The following KAT6B variants were observed in gnomAD, a reference collection of about 807,000 sequenced individuals.
KAT6B encodes the protein histone acetyltransferase KAT6B.
Under a neutral mutation model 187.5 loss-of-function variants are expected in KAT6B, and 10 were observed. The observed-to-expected ratio is 0.05, with a 90% CI of 0.03 to 0.09. The LOEUF (loss-of-function observed/expected upper bound fraction) is 0.09, where lower values mean the gene tolerates loss of function less well. KAT6B is among the 10% of genes least tolerant of loss of function. The pLI, the probability that KAT6B is intolerant of heterozygous loss-of-function variation, is 1.00. For missense variants in KAT6B, 1,952 were observed against 2,558.9 expected, an observed-to-expected ratio of 0.76 and a Z score of 5.12; for synonymous variants, 861 against 926.8, an observed-to-expected ratio of 0.93 and a Z score of 1.29.
At chr10:74,858,783 C>T (rs1842978645) in intron 3 of KAT6B, among the ~76,000 whole-genome samples, 2 of 152,010 alleles carry the variant, frequency 1.3e-5, no homozygotes. Flanking sequence ...GGCGAAACCC[C>T]ATCTCTACTA....
chr10:74,939,102 A>G (rs1849474674), intron 3 of KAT6B, among the ~76,000 whole-genome samples: 1 of 151,478 alleles, frequency 6.6e-6, no homozygotes, highest in Admixed American at 6.6e-5. Context: ...TTCATGCTTT[A>G]GTTATCTTTT....
intron 3 of KAT6B, among the ~76,000 whole-genome samples, chr10:74,956,340 T>C (rs781247078): frequency 5.4e-4 from 82 of 152,346 alleles, no homozygotes; most frequent in Non-Finnish European, 9.6e-4. Context: ...CTTTGTCCCA[T>C]ACTTGTTTAT....
At position 74,894,105 on chromosome 10, in the gene KAT6B, C is replaced by T. The variant is rs908547810; in HGVS notation, c.621+50627C>T. 5.4e-4 allele frequency among the ~76,000 whole-genome samples: 82 copies of T among 152,244 alleles called. 1 individual carries two copies. The highest frequency in any genetic ancestry group is 1.9e-3 in the African/African-American group (79 of 41,542). ...TTTTTCTCTCTTTTTTCCCTTGAGACGGAGTCTCCCTCTGTCGCCCAGGCT... is the reference window on the plus strand; with the variant it reads ...TTTTTCTCTCTTTTTTCCCTTGAGATGGAGTCTCCCTCTGTCGCCCAGGCT... On this transcript the variant is annotated intron_variant, in intron 3 of 17. Transcript: ENST00000287239.
At chr10:74,905,831 C>G (rs1846720457) in intron 3 of KAT6B, among the ~76,000 whole-genome samples, 1 of 152,044 alleles carries the variant, frequency 6.6e-6, no homozygotes, top group Non-Finnish European at 1.5e-5. Flanking sequence ...CTGACAAGGC[C>G]CTCCCTATTG....
intron 13 of KAT6B, among the ~76,000 whole-genome samples, chr10:74,989,553 G>A (rs897778168): frequency 6.6e-6 from 1 of 152,116 alleles, no homozygotes; most frequent in Non-Finnish European, 1.5e-5. Flanking sequence ...TAATTTTCTA[G>A]GCAGCTTATC....
chr10:74,840,308 A>G (rs1841642941), intron 2 of KAT6B, among the ~76,000 whole-genome samples: 1 of 152,260 alleles, frequency 6.6e-6, no homozygotes, highest in Non-Finnish European at 1.5e-5. Flanking sequence ...GGAAGGGTTA[A>G]GAAACTGGGA....
At chr10:74,938,527 GAT>G (rs2133254518) in intron 3 of KAT6B, among the ~76,000 whole-genome samples, 1 of 152,210 alleles carries the variant, frequency 6.6e-6, no homozygotes, top group Non-Finnish European at 1.5e-5. Flanking sequence ...TGACAATACT[GAT>G]ATTTTACCTG....
At chr10:74,951,421 C>T (rs1438214395) in intron 3 of KAT6B, among the ~76,000 whole-genome samples, 4 of 148,636 alleles carry the variant, frequency 2.7e-5, no homozygotes, top group South Asian at 2.1e-4. Flanking sequence ...TGTGAGCCAC[C>T]ACGCCCAGCG....
intron 3 of KAT6B, among the ~76,000 whole-genome samples, chr10:74,904,809 C>G (rs553585422): frequency 6.6e-6 from 1 of 152,018 alleles, no homozygotes; most frequent in South Asian, 2.1e-4. Context: ...TTCTGTGATC[C>G]TCCCCCCTTT....
At chr10:74,982,204 TCTC>T in intron 11 of KAT6B, 2 of 387,602 alleles carry the variant, frequency 5.2e-6, no homozygotes, top group South Asian at 4.8e-5. Context: ...GAATTTATGA[TCTC>T]CTCAGCTCTT....
chr10:74,841,469 G>A (rs1029956404), intron 2 of KAT6B, among the ~76,000 whole-genome samples: 10 of 152,098 alleles, frequency 6.6e-5, no homozygotes, highest in African/African-American at 2.4e-4. Context: ...GGGAGGCTGT[G>A]CAGGAGAATC....
chr10:74,926,766 G>A (rs1354847468), intron 3 of KAT6B, among the ~76,000 whole-genome samples: 1 of 152,168 alleles, frequency 6.6e-6, no homozygotes, highest in Non-Finnish European at 1.5e-5. Context: ...TGGAGGCATG[G>A]GACAGAGGTT....
At chr10:74,886,170 A>G (rs1440241550) in intron 3 of KAT6B, among the ~76,000 whole-genome samples, 1 of 152,182 alleles carries the variant, frequency 6.6e-6, no homozygotes. Flanking sequence ...TGTTTACATC[A>G]GGGGAACATT....
intron 3 of KAT6B, among the ~76,000 whole-genome samples, chr10:74,874,788 T>C (rs183217073): frequency 2.4e-4 from 37 of 152,226 alleles, no homozygotes; most frequent in African/African-American, 8.7e-4. Flanking sequence ...GTGAGATCTA[T>C]GTTTTGTGTG....
intron 3 of KAT6B, among the ~76,000 whole-genome samples, chr10:74,855,313 G>T (rs1247121901): frequency 6.6e-6 from 1 of 152,204 alleles, no homozygotes; most frequent in Non-Finnish European, 1.5e-5. Context: ...TCTGTTAGTA[G>T]TTTCTGATGT....
chr10:74,875,356 T>G (rs906264270), intron 3 of KAT6B, among the ~76,000 whole-genome samples: 1 of 152,224 alleles, frequency 6.6e-6, no homozygotes, highest in Non-Finnish European at 1.5e-5. Flanking sequence ...CTAGTTCTTA[T>G]GTGTAGCACA....
intron 3 of KAT6B, among the ~76,000 whole-genome samples, chr10:74,877,027 T>A (rs1256303262): frequency 2.0e-5 from 3 of 151,658 alleles, no homozygotes; most frequent in Non-Finnish European, 1.5e-5. Flanking sequence ...AGCGCAATGG[T>A]GCAATCTCGG....
At chr10:74,845,612 T>C (rs1038108502) in intron 3 of KAT6B, among the ~76,000 whole-genome samples, 10 of 150,854 alleles carry the variant, frequency 6.6e-5, no homozygotes, top group Admixed American at 6.6e-4. Flanking sequence ...TGGGATCAAG[T>C]GTTCCTCCCA....
chr10:74,987,265 G>A (rs551202091), intron 12 of KAT6B, among the ~76,000 whole-genome samples: 74 of 152,060 alleles, frequency 4.9e-4, no homozygotes, highest in Non-Finnish European at 7.1e-4. Flanking sequence ...GTGAAACCCC[G>A]TCTGTACTAA....
Sources: allele counts gnomAD v4.1 joint callset (sites outside exome capture counted in the v4.1 genomes callset), GRCh38; gene constraint gnomAD v4.1.1; transcripts MANE v1.5; gene names NCBI Gene and HGNC (gene_info 2026-07-23, HGNC 2026-07-21).